GPHN: variants seen among roughly 807,000 people sequenced by gnomAD.
GPHN encodes gephyrin.
In GPHN, 17 loss-of-function variants were observed where a neutral mutation model predicts 95.5. The ratio of observed to expected loss-of-function variants is 0.18; its 90% CI spans 0.12 to 0.27. The LOEUF is 0.27. Ranked by LOEUF, GPHN falls within the 10% of genes least tolerant of loss-of-function variation. The pLI is 1.00. For missense variants in GPHN, 660 were observed against 978.1 expected (o/e 0.67, Z 4.34); for synonymous variants, 320 against 322.5 (o/e 0.99, Z 0.08).
At chr14:66,897,217 A>C (rs1053019790) in intron 5 of GPHN, among the ~76,000 whole-genome samples, 5 of 152,116 alleles carry the variant, frequency 3.3e-5, no homozygotes, top group African/African-American at 1.2e-4. Context: ...ATGACACAAC[A>C]ATTTGTTCAT....
chr14:66,604,364 T>C (rs2062408014), intron 1 of GPHN, among the ~76,000 whole-genome samples: 1 of 152,156 alleles, frequency 6.6e-6, no homozygotes, highest in Non-Finnish European at 1.5e-5. Context: ...AAAAATATAC[T>C]ATATAGAATA....
chr14:67,606,347 A>G, the GPHN span, among the ~76,000 whole-genome samples: 27 of 152,316 alleles, frequency 1.8e-4, no homozygotes, highest in Non-Finnish European at 2.2e-4. Context: ...CCTGGCTTTT[A>G]TGTGGAATGT....
rs1222829653 is a variant in GPHN at position 66,621,148 on chromosome 14, TG to T, written c.65-59958del. Among the ~76,000 whole-genome samples the T allele has an allele frequency of 1.2e-3, 164 of 140,624 alleles. 6 individuals carry two copies. The highest frequency in any genetic ancestry group is 4.5e-3 in the African/African-American group (158 of 35,022). 92.3% of individuals were successfully genotyped at this position (140,624 alleles called of 152,430 possible). A position where few individuals can be genotyped will look rare whatever the true frequency, so the allele number is the denominator to read the frequency against. ...CCCAGCCAATTTTTTTTTTTTTTTT[TG>T]TATTTTTAGTAGAGATGGGGTTTCA... On this transcript the variant is annotated intron_variant, in intron 1 of 22. Coordinates refer to ENST00000478722, the MANE Select transcript of GPHN (RefSeq NM_020806.5).
intron 9 of GPHN, among the ~76,000 whole-genome samples, chr14:67,002,870 G>T (rs1955611): frequency 0.059 from 8,935 of 151,410 alleles, 319 homozygotes; most frequent in Middle Eastern, 0.085. Context: ...TTATCTGTTA[G>T]GTTTTTCATA....
At chr14:67,569,338 C>T in the GPHN span, 5 of 664,966 alleles carry the variant, frequency 7.5e-6, no homozygotes, top group Non-Finnish European at 1.1e-5. Flanking sequence ...CTGTTCCCCT[C>T]CCCAGCAGGT....
chr14:67,395,578 G>A, the GPHN span: 1 of 1,613,964 alleles, frequency 6.2e-7, no homozygotes, highest in Non-Finnish European at 8.5e-7. Context: ...TCAGCTTAAT[G>A]AGGAGCTGTG....
chr14:67,132,565 T>G (rs1379775519), intron 17 of GPHN, among the ~76,000 whole-genome samples: 1 of 152,130 alleles, frequency 6.6e-6, no homozygotes, highest in African/African-American at 2.4e-5. Flanking sequence ...ACAAAGAACA[T>G]TCTTTCTACC....
the GPHN span, chr14:67,340,604 T>G: frequency 1.7e-6 from 2 of 1,148,264 alleles, no homozygotes; most frequent in African/African-American, 3.1e-5. Context: ...ACAGTTATTT[T>G]TTCCTAATTG....
At chr14:67,233,330 C>T in the GPHN span, among the ~76,000 whole-genome samples, 1 of 151,976 alleles carries the variant, frequency 6.6e-6, no homozygotes, top group Non-Finnish European at 1.5e-5. Flanking sequence ...TTTGTAGAGA[C>T]AGGGTTTTAC....
At chr14:67,492,493 T>A in the GPHN span, among the ~76,000 whole-genome samples, 1 of 152,194 alleles carries the variant, frequency 6.6e-6, no homozygotes, top group African/African-American at 2.4e-5. Flanking sequence ...GACCAGGATT[T>A]TATCTGGGTT....
chr14:67,236,335 G>A, the GPHN span, among the ~76,000 whole-genome samples: 3 of 151,830 alleles, frequency 2.0e-5, no homozygotes, highest in Non-Finnish European at 2.9e-5. Flanking sequence ...GTTCCCACCC[G>A]CACCTTCACT....
chr14:67,560,787 A>G, the GPHN span, among the ~76,000 whole-genome samples: 4 of 149,102 alleles, frequency 2.7e-5, no homozygotes, highest in African/African-American at 1.0e-4. Flanking sequence ...CTGGAGTGCA[A>G]TGGCACAATA....
the GPHN span, among the ~76,000 whole-genome samples, chr14:67,525,967 T>G: frequency 1.3e-5 from 2 of 152,192 alleles, no homozygotes; most frequent in African/African-American, 4.8e-5. Flanking sequence ...AGCAGCCCCG[T>G]GTCAGCCCCA....
At chr14:67,574,541 C>T in the GPHN span, 1 of 643,780 alleles carries the variant, frequency 1.6e-6, no homozygotes, top group Non-Finnish European at 2.4e-6. This position sits in a 1 kb window ranked among gnomAD's most constrained non-coding sequence, Gnocchi z 4.2. Context: ...GACTCGCTGG[C>T]CAGCCCTCAA....
chr14:67,620,221 G>T, the GPHN span: 1 of 492,322 alleles, frequency 2.0e-6, no homozygotes, highest in Non-Finnish European at 3.5e-6. Flanking sequence ...GAGCTGGCCG[G>T]TTCCCGCTAC....
chr14:67,497,249 C>T, the GPHN span, among the ~76,000 whole-genome samples: 7 of 152,136 alleles, frequency 4.6e-5, no homozygotes, highest in Non-Finnish European at 8.8e-5. Context: ...AGTGAGCATC[C>T]GTCCCGAGGT....
chr14:66,959,884 C>G (rs184408050), intron 8 of GPHN, among the ~76,000 whole-genome samples: 1 of 151,938 alleles, frequency 6.6e-6, no homozygotes, highest in Non-Finnish European at 1.5e-5. Context: ...TGATGGTATT[C>G]CACAGGTTGC....
intron 13 of GPHN, 61 bp from the exon 14 acceptor site, chr14:67,110,078 CT>C (rs1006334043): frequency 1.9e-5 from 28 of 1,471,696 alleles, no homozygotes; most frequent in Non-Finnish European, 2.5e-5. Context: ...TTAACATCCT[CT>C]GCAGACTTTT....
chr14:67,713,133 T>G, the GPHN span, among the ~76,000 whole-genome samples: 2 of 151,812 alleles, frequency 1.3e-5, no homozygotes, highest in Non-Finnish European at 2.9e-5. Context: ...AAGCAGAAAT[T>G]AAAACCAGCT....
Sources: gnomAD v4.1 joint callset for allele counts (sites outside exome capture counted in the v4.1 genomes callset) on GRCh38, gnomAD v4.1.1 for gene constraint, Gnocchi (gnomAD v3.1) non-coding constraint, MANE v1.5 for transcripts, NCBI Gene and HGNC (gene_info 2026-07-23, HGNC 2026-07-21) for gene names.